RFC5: variants seen among roughly 807,000 people sequenced by gnomAD.
The protein encoded by RFC5 is replication factor C subunit 5, also known as A1 36 kDa subunit.
In RFC5, 26 loss-of-function variants were observed where a neutral mutation model predicts 44.3. That is an observed-to-expected ratio of 0.59 (90% CI 0.43 to 0.81). The LOEUF (loss-of-function observed/expected upper bound fraction) is 0.81, where lower values mean the gene tolerates loss of function less well. Among genes scored for constraint, RFC5 ranks in the 40% least tolerant of loss-of-function variants. RFC5 has a pLI of 0.00. For synonymous variants in RFC5, 155 were observed against 155.2 expected (o/e 1.00, Z 0.01); for missense variants, 328 against 418.6 (o/e 0.78, Z 1.89).
chr12:118,035,460 G>T, downstream of RFC5: 1 of 717,884 alleles, frequency 1.4e-6, no homozygotes. Context: ...TCGTGGAAAA[G>T]CTTGGGATTT....
In RFC5 at chr12:118,019,586, C is replaced by T. The variant is rs946982930; in HGVS notation, c.131-46C>T. 16 of 1,610,532 alleles carry T rather than the reference C, an allele frequency of 9.9e-6. No homozygotes were observed. Among genetic ancestry groups the T allele is most frequent in the Non-Finnish European group, 1.4e-5 (16 of 1,177,892 alleles). On this transcript the variant is annotated intron_variant, in intron 2 of 10. Transcript: ENST00000454402. This position sits in a 1 kb window ranked among gnomAD's most constrained non-coding sequence, Gnocchi z 4.2. ...ACTCAGGAGCCCAGGGTGAATGAGG[C>T]AGCTCCCAAAGACTGATGGTGCCCT...
Position 118,016,788 on chromosome 12 carries a change from C to A in RFC5, c.-40C>A. ...TCACTGTGCAGGCGCTTGGGTGACGCGACGATCTCAGCGGATCTGGTCACC... is the reference window on the plus strand; with the variant it reads ...TCACTGTGCAGGCGCTTGGGTGACGAGACGATCTCAGCGGATCTGGTCACC... On this transcript the variant is annotated 5_prime_UTR_variant, in exon 1 of 11. Transcript: ENST00000454402. 1 of 1,569,566 alleles carries A rather than the reference C, an allele frequency of 6.4e-7. No homozygotes were observed.
chr12:118,027,030 C>T lies in RFC5; in HGVS notation c.793+12C>T, dbSNP rs2030995122. On this transcript the variant is annotated intron_variant, in intron 8 of 10. Transcript: ENST00000454402. ...CACAGCCTACAGAAGTATCCTTTCT[C>T]ATGACCTCCTGGCCACCGAGACCTG... is the stretch of plus-strand genomic sequence containing the variant. 1 of 1,608,472 alleles carries T rather than the reference C, an allele frequency of 6.2e-7. No homozygotes were observed.
rs1005476926 is a variant in RFC5 at position 118,031,908 on chromosome 12, A to T, written c.*630A>T. The T allele has an allele frequency of 6.6e-6, 1 of 152,198 alleles. No individual in the cohort carries two copies. Among genetic ancestry groups the T allele is most frequent in the African/African-American group, 2.4e-5 (1 of 41,454 alleles). The allele number at this position is 152,198 out of a possible 1,614,324, so 9.4% of individuals were successfully genotyped here. A position where few individuals can be genotyped will look rare whatever the true frequency, so the allele number is the denominator to read the frequency against. On this transcript the variant is annotated 3_prime_UTR_variant, in exon 11 of 11. Transcript: ENST00000454402. The stretch of plus-strand genomic sequence containing the variant: ...TTTTAAATATAATATAGAGCCTTAA[A>T]CTATGCCACTGGGTGGCAGAGGCTG...
downstream of RFC5, chr12:118,032,681 A>G (rs1483549027): frequency 4.0e-5 from 6 of 151,252 alleles, no homozygotes; most frequent in Non-Finnish European, 8.8e-5. Context: ...CCAGCACCAC[A>G]CTAAGTTTTT....
At position 118,025,848 on chromosome 12, in the gene RFC5, C is replaced by CT. The variant is rs750369555; in HGVS notation, c.663+38dup. 133,761 of 998,236 alleles carry CT rather than the reference C, an allele frequency of 0.13. 1,126 individuals are homozygous for CT. Among genetic ancestry groups the CT allele is most frequent in the South Asian group, 0.15 (9,901 of 67,170 alleles). 61.8% of individuals were successfully genotyped at this position (998,236 alleles called of 1,614,324 possible). ...TTGCAGGTATGGTCTCAAGCAAATC[C>CT]TTTTTTTTTTTTTTTTTTGAGACAG... On this transcript the variant is annotated intron_variant, in intron 7 of 10. Transcript: ENST00000454402.
rs181753900 is a variant in RFC5 at position 118,021,240 on chromosome 12, C to T, written c.347+255C>T. 1.0e-3 allele frequency among the ~76,000 whole-genome samples: 154 copies of T among 150,298 alleles called. 1 individual carries two copies. The Middle Eastern group carries it at 0.014, about 13-fold the overall frequency. The stretch of plus-strand genomic sequence containing the variant: ...TTTCTTTTTTTTTTGGAGACAGGGT[C>T]GCCCTGTATCGTACAGGCTGGAGTG... On this transcript the variant is annotated intron_variant, in intron 4 of 10. Coordinates refer to ENST00000454402, the MANE Select transcript of RFC5 (RefSeq NM_007370.7).
chr12:118,024,156 A>C (rs1027196217), intron 5 of RFC5, among the ~76,000 whole-genome samples: 3 of 151,956 alleles, frequency 2.0e-5, no homozygotes, highest in African/African-American at 7.2e-5. Context: ...CCTGGCTAAC[A>C]TGGTGAAACC....
chr12:118,034,583 G>A, downstream of RFC5: 2 of 537,436 alleles, frequency 3.7e-6, no homozygotes, highest in Non-Finnish European at 3.2e-6. Flanking sequence ...CGCTCTCTCT[G>A]TCTCTCTCTC....
downstream of RFC5, chr12:118,034,127 A>G (rs2031443859): frequency 2.5e-6 from 4 of 1,590,800 alleles, no homozygotes; most frequent in Admixed American, 6.7e-5. Flanking sequence ...TGTTTGGCCC[A>G]TTATTCCAGC....
chr12:118,034,584 T>TCTCTCTCTCTCTCTCTCTCTCTC (rs33933604), downstream of RFC5: 4 of 521,674 alleles, frequency 7.7e-6, no homozygotes, highest in Non-Finnish European at 1.3e-5. Flanking sequence ...GCTCTCTCTG[T>TCTCTCTCTCTCTCTCTCTCTCTC]CTCTCTCTCG....
At chr12:118,036,541 CA>C, downstream of RFC5, 1 of 1,589,386 alleles carries the variant, frequency 6.3e-7, no homozygotes, top group Non-Finnish European at 8.6e-7. Context: ...CTGGTTAGGG[CA>C]GAAGCAAAGT....
At chr12:118,022,455 G>GC (rs2030576228) in intron 5 of RFC5, 96 bp downstream of exon 5, 7 of 872,924 alleles carry the variant, frequency 8.0e-6, no homozygotes, top group African/African-American at 1.7e-5. Flanking sequence ...GTTTTTTTAG[G>GC]CGGGGGGGAG....
rs983179680 is a variant in RFC5 at position 118,019,711 on chromosome 12, C to A, written c.210C>A (p.Ile70=). ...GPPGTGKTST[I]LACAKQLYKD... ...CAGGGACAGGCAAGACATCTACCATCCTAGCCTGTGCGAAACAGCTATATA... is the reference window on the plus strand; with the variant it reads ...CAGGGACAGGCAAGACATCTACCATACTAGCCTGTGCGAAACAGCTATATA... Residue 70 remains isoleucine (I), a synonymous_variant, in exon 3 of 11, where the codon ATC becomes ATA. Transcript: ENST00000454402. This position sits in a 1 kb window ranked among gnomAD's most constrained non-coding sequence, Gnocchi z 4.2. 1.9e-6 allele frequency: 3 copies of A among 1,613,646 alleles called. No homozygotes were observed. In the African/African-American group the frequency reaches 4.0e-5, roughly 22 times the overall value.
chr12:118,028,882 C>T (rs1416425830), intron 9 of RFC5, among the ~76,000 whole-genome samples: 2 of 152,212 alleles, frequency 1.3e-5, no homozygotes, highest in Admixed American at 1.3e-4. Flanking sequence ...ATTCTCTAAG[C>T]TCCCCAGGTG....
rs1478395228 is a variant in RFC5 at position 118,032,075 on chromosome 12, T to C, written c.*797T>C. ...AATCATGCTGCATTTGTGTTAGTGT[T>C]CTTTATAATAAAAAACAAAGCAGCC... On this transcript the variant is annotated 3_prime_UTR_variant, in exon 11 of 11. Transcript: ENST00000454402. 2 of 152,216 alleles carry C rather than the reference T, an allele frequency of 1.3e-5. No homozygotes were observed. Among genetic ancestry groups the C allele is most frequent in the South Asian group, 2.1e-4 (1 of 4,834 alleles). 9.4% of individuals were successfully genotyped at this position (152,216 alleles called of 1,614,324 possible).
At chr12:118,038,117 C>T (rs1566136422), downstream of RFC5, 8 of 499,578 alleles carry the variant, frequency 1.6e-5, no homozygotes, top group South Asian at 2.7e-4. Flanking sequence ...TCTTTGGGTT[C>T]GTGTTAAAGT....
rs1339292784 is a variant in RFC5, at chr12:118,019,833, GC to G, written c.267+66del. ...ACTCCAGTCTCTTAATTTCAGTTCT[GC>G]TGGTTTTATTTTACTTTAAAAGTAA... On this transcript the variant is annotated intron_variant, in intron 3 of 10. Coordinates refer to ENST00000454402, the MANE Select transcript of RFC5 (RefSeq NM_007370.7). The surrounding 1 kb of genome is among the most constrained non-coding windows in gnomAD (Gnocchi z 4.2). 7.3e-7 allele frequency: 1 copy of G among 1,366,400 alleles called. No individual in the cohort carries two copies. The highest frequency in any genetic ancestry group is 1.5e-5 in the African/African-American group (1 of 68,406). The allele number at this position is 1,366,400 out of a possible 1,614,324, so 84.6% of individuals were successfully genotyped here. A position where few individuals can be genotyped will look rare whatever the true frequency, so the allele number is the denominator to read the frequency against.
chr12:118,025,702 T>G, intron 6 of RFC5, 45 bp from the exon 7 acceptor site: 5 of 1,083,070 alleles, frequency 4.6e-6, no homozygotes, highest in Non-Finnish European at 7.2e-6. Context: ...TGAATGCTGG[T>G]GCTCTCAGGG....
Sources: gnomAD v4.1 joint callset for allele counts (sites outside exome capture counted in the v4.1 genomes callset) on GRCh38, gnomAD v4.1.1 for gene constraint, Gnocchi (gnomAD v3.1) non-coding constraint, MANE v1.5 for transcripts, NCBI Gene and HGNC (gene_info 2026-07-23, HGNC 2026-07-21) for gene names.